The following FSD1L variants were observed in gnomAD, a reference collection of about 807,000 sequenced individuals.
The protein encoded by FSD1L is FSD1-like protein.
Under a neutral mutation model 71.6 loss-of-function variants are expected in FSD1L, and 45 were observed. The ratio of observed to expected loss-of-function variants is 0.63; its 90% CI spans 0.49 to 0.81. FSD1L has a LOEUF of 0.81. FSD1L is among the 30% of genes least tolerant of loss of function. The pLI is 0.00. For synonymous variants in FSD1L, 197 were observed against 207.2 expected (o/e 0.95, Z 0.42); for missense variants, 561 against 618.1 (o/e 0.91, Z 0.98).
intron 1 of FSD1L, among the ~76,000 whole-genome samples, chr9:105,454,576 A>G (rs1226216609): frequency 3.3e-5 from 5 of 152,186 alleles, no homozygotes; most frequent in Non-Finnish European, 5.9e-5. Flanking sequence ...CTCCACTCCA[A>G]TGCCACCTTC....
At chr9:105,496,719 A>T (rs72744264) in intron 7 of FSD1L, among the ~76,000 whole-genome samples, 18,837 of 152,288 alleles carry the variant, frequency 0.12, 1,566 homozygotes, top group East Asian at 0.47. Flanking sequence ...GGAAAGTGGT[A>T]GGCCTTGTAT....
intron 9 of FSD1L, among the ~76,000 whole-genome samples, chr9:105,509,630 C>CAA (rs75806356): frequency 6.6e-6 from 1 of 151,022 alleles, no homozygotes; most frequent in African/African-American, 2.4e-5. Context: ...TGGAGGATGA[C>CAA]AAAAAAAATC....
intron 7 of FSD1L, among the ~76,000 whole-genome samples, chr9:105,498,966 A>T (rs183822154): frequency 5.3e-5 from 8 of 152,236 alleles, no homozygotes; most frequent in Non-Finnish European, 7.4e-5. Flanking sequence ...TTGCAGCTAT[A>T]TATCTTTTTC....
chr9:105,533,352 G>C (rs998005698), intron 10 of FSD1L, among the ~76,000 whole-genome samples: 2 of 146,068 alleles, frequency 1.4e-5, no homozygotes, highest in African/African-American at 5.0e-5. Context: ...TATTTGAGTA[G>C]GAGAAATGCT....
intron 9 of FSD1L, among the ~76,000 whole-genome samples, chr9:105,511,711 T>C (rs1419635763): frequency 6.6e-6 from 1 of 152,142 alleles, no homozygotes; most frequent in Non-Finnish European, 1.5e-5. Flanking sequence ...CAATGCATAG[T>C]TGAAATTAAA....
intron 9 of FSD1L, among the ~76,000 whole-genome samples, chr9:105,511,949 G>T (rs949388350): frequency 2.0e-5 from 3 of 152,032 alleles, no homozygotes; most frequent in Admixed American, 2.0e-4. Context: ...GAACTAACAG[G>T]CAGATTAGTT....
chr9:105,508,518 C>T, intron 8 of FSD1L, 99 bp from the exon 9 acceptor site: 1 of 696,136 alleles, frequency 1.4e-6, no homozygotes, highest in Non-Finnish European at 2.5e-6. Flanking sequence ...TTCCTGAATA[C>T]AGAGACACGG....
intron 13 of FSD1L, among the ~76,000 whole-genome samples, chr9:105,544,368 C>T (rs939370917): frequency 1.1e-3 from 162 of 152,232 alleles, no homozygotes; most frequent in Non-Finnish European, 1.9e-3. Flanking sequence ...TTCTCCCATT[C>T]TGTAGGTTGC....
chr9:105,461,490 A>C, intron 1 of FSD1L, 30 bp from the exon 2 acceptor site: 1 of 1,193,460 alleles, frequency 8.4e-7, no homozygotes. Context: ...TGTGGCTGCT[A>C]TTGGCTCCTA....
chr9:105,548,810 T>G lies in FSD1L; in HGVS notation c.*2327T>G, dbSNP rs142292842. On this transcript the variant is annotated 3_prime_UTR_variant, in exon 14 of 14. Coordinates refer to ENST00000481272, the MANE Select transcript of FSD1L (RefSeq NM_001145313.3). ...CAATTATTACTTCAAAATAAGAGTC[T>G]GAGGATTTCTTCTTACTGGCGTTCT... 2.6e-5 allele frequency: 4 copies of G among 152,238 alleles called. No homozygotes were observed. The highest frequency in any genetic ancestry group is 7.2e-5 in the African/African-American group (3 of 41,566). The allele number at this position is 152,238 out of a possible 1,614,324, so 9.4% of individuals were successfully genotyped here.
chr9:105,509,172 A>T (rs1834251308), intron 9 of FSD1L, among the ~76,000 whole-genome samples: 1 of 152,238 alleles, frequency 6.6e-6, no homozygotes, highest in Non-Finnish European at 1.5e-5. Context: ...TTTATTAGAT[A>T]ATTAAAGTCA....
Position 105,468,231 on chromosome 9 carries a change from A to G in FSD1L, c.246A>G (p.Glu82=). 6.9e-7 allele frequency: 1 copy of G among 1,445,522 alleles called. No individual in the cohort carries two copies. The highest frequency in any genetic ancestry group is 9.1e-7 in the Non-Finnish European group (1 of 1,104,466). The allele number at this position is 1,445,522 out of a possible 1,614,324, so 89.5% of individuals were successfully genotyped here. The change falls in exon 4 of 14, where the codon GAA becomes GAG. Residue 82 remains glutamate, a synonymous_variant. Coordinates refer to ENST00000481272, the MANE Select transcript of FSD1L (RefSeq NM_001145313.3). ...ACATACTCTCAGAGTTAGATGAAGA[A>G]TTTGATAGTTTATACTCTATACTGG... The part of the protein sequence containing the change: ...SSNILSELDE[E]FDSLYSILDE...
upstream of FSD1L, among the ~76,000 whole-genome samples, chr9:105,446,330 A>G (rs771737144): frequency 1.4e-4 from 21 of 151,994 alleles, no homozygotes; most frequent in Non-Finnish European, 2.9e-4. Context: ...ATTTCTATGA[A>G]AAATTAAACC....
At chr9:105,477,980 C>T (rs9409062) in intron 5 of FSD1L, among the ~76,000 whole-genome samples, 37,501 of 152,194 alleles carry the variant, frequency 0.25, 5,137 homozygotes, top group Non-Finnish European at 0.31. Flanking sequence ...TGTGCTGGCT[C>T]ATGCCTGTAA....
At chr9:105,507,594 C>G (rs984962531) in intron 8 of FSD1L, among the ~76,000 whole-genome samples, 3 of 152,140 alleles carry the variant, frequency 2.0e-5, no homozygotes, top group African/African-American at 7.2e-5. Context: ...ATTTAGTAAT[C>G]CAGACTGTAC....
At chr9:105,525,278 A>G (rs1835436119) in intron 10 of FSD1L, 4 of 1,607,796 alleles carry the variant, frequency 2.5e-6, no homozygotes, top group Admixed American at 3.4e-5. Context: ...ATAAGAGATG[A>G]AGAAGATGCT....
At chr9:105,520,605 A>G (rs1463177035) in intron 10 of FSD1L, 16 of 1,552,600 alleles carry the variant, frequency 1.0e-5, no homozygotes, top group Non-Finnish European at 1.4e-5. Flanking sequence ...GCTACTTCAC[A>G]CAGGAGACTC....
intron 10 of FSD1L, among the ~76,000 whole-genome samples, chr9:105,528,339 A>G (rs1328790822): frequency 6.6e-6 from 1 of 152,250 alleles, no homozygotes; most frequent in Admixed American, 6.5e-5. Flanking sequence ...ATCTTAAGCA[A>G]AAAGAACAAA....
chr9:105,462,201 A>G (rs1350621167), intron 2 of FSD1L, among the ~76,000 whole-genome samples: 1 of 151,286 alleles, frequency 6.6e-6, no homozygotes, highest in African/African-American at 2.4e-5. Flanking sequence ...TTTTTGGTGG[A>G]AAGTTTTTTT....
Sources: allele counts gnomAD v4.1 joint callset (sites outside exome capture counted in the v4.1 genomes callset), GRCh38; gene constraint gnomAD v4.1.1; transcripts MANE v1.5; gene names NCBI Gene and HGNC (gene_info 2026-07-23, HGNC 2026-07-21).